The following DLC1 variants were observed in gnomAD, a reference collection of about 807,000 sequenced individuals.
The protein encoded by DLC1 is rho GTPase-activating protein 7.
A neutral mutation model predicts 140.3 loss-of-function variants in DLC1; 54 were observed. The ratio of observed to expected loss-of-function variants is 0.38; its 90% CI spans 0.31 to 0.48. The LOEUF (loss-of-function observed/expected upper bound fraction) is 0.48, where lower values mean the gene tolerates loss of function less well. DLC1 is among the 20% of genes least tolerant of loss of function. The pLI, the probability that DLC1 is intolerant of heterozygous loss-of-function variation, is 0.96. For synonymous variants in DLC1, 986 were observed against 728.1 expected, an observed-to-expected ratio of 1.35 and a Z score of -5.70; for missense variants, 2,536 against 1,907.0, an observed-to-expected ratio of 1.33 and a Z score of -6.14.
chr8:13,305,027 A>C, intron 5 of DLC1: 1 of 1,132,458 alleles, frequency 8.8e-7, no homozygotes, highest in Non-Finnish European at 1.1e-6. Flanking sequence ...TTGTGGTTGC[A>C]GTTACAAGGA....
chr8:13,525,177 T>C (rs1802881204), intron 1 of DLC1, among the ~76,000 whole-genome samples: 1 of 152,236 alleles, frequency 6.6e-6, no homozygotes, highest in Admixed American at 6.5e-5. Flanking sequence ...TCCTTTTTAC[T>C]GTTGATTAGT....
At chr8:13,480,748 A>G (rs977337530) in intron 2 of DLC1, among the ~76,000 whole-genome samples, 4 of 152,144 alleles carry the variant, frequency 2.6e-5, no homozygotes, top group African/African-American at 9.7e-5. Flanking sequence ...TACTAAAAGT[A>G]TAAAAAATTT....
intron 5 of DLC1, among the ~76,000 whole-genome samples, chr8:13,204,820 T>A (rs531455554): frequency 6.6e-6 from 1 of 152,232 alleles, no homozygotes; most frequent in Non-Finnish European, 1.5e-5. Flanking sequence ...GCCAGAAAAC[T>A]GTTTTTAAAT....
Position 13,292,674 on chromosome 8 carries a change from G to A in DLC1, c.1348+12595C>T, listed in dbSNP as rs4406398. Among the ~76,000 whole-genome samples, 996 of 152,110 alleles carry A rather than the reference G, an allele frequency of 6.5e-3. 16 individuals carry two copies. The highest frequency in any genetic ancestry group is 0.023 in the African/African-American group (960 of 41,490). ...CATGCTCCCCACGTCCTACGTACAA[G>A]TGTATTTTTTTAAATAGAAAAATGC... On this transcript the variant is annotated intron_variant, in intron 5 of 17. Coordinates refer to ENST00000276297, the MANE Select transcript of DLC1 (RefSeq NM_182643.3).
chr8:13,417,992 T>G (rs1339680681), intron 2 of DLC1, among the ~76,000 whole-genome samples: 2 of 152,206 alleles, frequency 1.3e-5, no homozygotes, highest in East Asian at 3.8e-4. Context: ...TCATGTGTCT[T>G]TTGGCTGCAT....
At chr8:13,473,881 G>A (rs1378846436) in intron 2 of DLC1, among the ~76,000 whole-genome samples, 3 of 152,168 alleles carry the variant, frequency 2.0e-5, no homozygotes, top group Non-Finnish European at 2.9e-5. Context: ...TGCTGTTAAA[G>A]GCATTCAGTT....
At chr8:13,267,786 G>A (rs1830752725) in intron 5 of DLC1, among the ~76,000 whole-genome samples, 1 of 149,606 alleles carries the variant, frequency 6.7e-6, no homozygotes, top group South Asian at 2.1e-4. Flanking sequence ...TTGCCTAGAT[G>A]TGCTCATTAC....
intron 1 of DLC1, among the ~76,000 whole-genome samples, chr8:13,593,743 T>A (rs1460965249): frequency 6.6e-6 from 1 of 152,090 alleles, no homozygotes; most frequent in African/African-American, 2.4e-5. Flanking sequence ...GAAAGACATA[T>A]GGTTATTAGT....
intron 1 of DLC1, among the ~76,000 whole-genome samples, chr8:13,604,130 A>G (rs1353072267): frequency 3.3e-5 from 5 of 152,182 alleles, no homozygotes; most frequent in African/African-American, 1.2e-4. Flanking sequence ...GTAGAGGTAG[A>G]AACAAAAGTA....
chr8:13,600,863 T>C (rs1305459857), intron 1 of DLC1, among the ~76,000 whole-genome samples: 1 of 151,902 alleles, frequency 6.6e-6, no homozygotes, highest in Non-Finnish European at 1.5e-5. Flanking sequence ...TATTTGCCTA[T>C]TGGTAATGTA....
chr8:13,596,109 TAA>T (rs1470552191), intron 1 of DLC1, among the ~76,000 whole-genome samples: 1 of 152,084 alleles, frequency 6.6e-6, no homozygotes, highest in Non-Finnish European at 1.5e-5. Flanking sequence ...ATGAAAATGA[TAA>T]GAGTGATGTA....
chr8:13,412,959 G>C (rs921249043), intron 2 of DLC1, among the ~76,000 whole-genome samples: 1 of 146,606 alleles, frequency 6.8e-6, no homozygotes, highest in East Asian at 2.0e-4. Flanking sequence ...AAAAAATGCC[G>C]GTTTGAATGG....
chr8:13,367,169 G>T (rs1413414391), intron 4 of DLC1, among the ~76,000 whole-genome samples: 1 of 152,058 alleles, frequency 6.6e-6, no homozygotes, highest in Non-Finnish European at 1.5e-5. Context: ...TTCTACTTTA[G>T]TCCTGGTCAC....
At chr8:13,399,594 C>G (rs1041477981) in intron 3 of DLC1, among the ~76,000 whole-genome samples, 1 of 152,304 alleles carries the variant, frequency 6.6e-6, no homozygotes, top group East Asian at 1.9e-4. Context: ...CCCTAAGAGA[C>G]TGGCACACTC....
intron 1 of DLC1, among the ~76,000 whole-genome samples, chr8:13,601,919 A>G (rs1052699348): frequency 3.0e-4 from 45 of 151,816 alleles, no homozygotes; most frequent in African/African-American, 1.1e-3. Flanking sequence ...TGTGTCCACT[A>G]TTTTTCAGAA....
At position 13,085,640 on chromosome 8, in the gene DLC1, A is replaced by G. The variant is rs1428948483; in HGVS notation, c.*171T>C. On this transcript the variant is annotated 3_prime_UTR_variant, in exon 18 of 18. Transcript: ENST00000276297. Reference sequence around the variant, plus strand: ...CAAGGTCTATGAATACAGACCCTCAACAAACAGGAAGCAGCTTTAAAAATG... The same window carrying G: ...CAAGGTCTATGAATACAGACCCTCAGCAAACAGGAAGCAGCTTTAAAAATG... 1.9e-6 allele frequency: 2 copies of G among 1,028,692 alleles called. No individual in the cohort carries two copies. Among genetic ancestry groups the G allele is most frequent in the Non-Finnish European group, 2.7e-6 (2 of 736,390 alleles). The allele number at this position is 1,028,692 out of a possible 1,614,324, so 63.7% of individuals were successfully genotyped here.
chr8:13,525,180 T>A (rs1164258061), intron 1 of DLC1, among the ~76,000 whole-genome samples: 1 of 152,214 alleles, frequency 6.6e-6, no homozygotes. Flanking sequence ...TTTTTACTGT[T>A]GATTAGTATT....
chr8:13,232,103 C>G (rs1829073676), intron 5 of DLC1, among the ~76,000 whole-genome samples: 1 of 152,128 alleles, frequency 6.6e-6, no homozygotes, highest in Non-Finnish European at 1.5e-5. Context: ...CTTCATTTCA[C>G]TTGGCCTTTG....
At chr8:13,354,410 A>C in intron 4 of DLC1, among the ~76,000 whole-genome samples, 1 of 152,148 alleles carries the variant, frequency 6.6e-6, no homozygotes, top group East Asian at 1.9e-4. Context: ...CCAGGGCCTA[A>C]CAGTGTGTGT....
Sources: gnomAD v4.1 joint callset for allele counts (sites outside exome capture counted in the v4.1 genomes callset) on GRCh38, gnomAD v4.1.1 for gene constraint, MANE v1.5 for transcripts, NCBI Gene and HGNC (gene_info 2026-07-23, HGNC 2026-07-21) for gene names.